ATXN7L1: variants seen among roughly 807,000 people sequenced by gnomAD.
ATXN7L1 encodes the protein ataxin-7-like protein 1.
ATXN7L1 carries 15 observed loss-of-function variants against 70.8 expected under a neutral mutation model. The ratio of observed to expected loss-of-function variants is 0.21; its 90% CI spans 0.14 to 0.33. ATXN7L1 has a LOEUF of 0.33. Among genes scored for constraint, ATXN7L1 ranks in the 10% least tolerant of loss-of-function variants. The probability of loss-of-function intolerance (pLI) is 1.00; values close to 1 mark genes in which losing one functional copy is unlikely to be tolerated. For synonymous variants in ATXN7L1, 440 were observed against 445.1 expected (o/e 0.99, Z 0.14); for missense variants, 975 against 1,097.1 (o/e 0.89, Z 1.57).
chr7:105,689,632 G>A (rs555178385), intron 3 of ATXN7L1, among the ~76,000 whole-genome samples: 51 of 152,232 alleles, frequency 3.4e-4, no homozygotes, highest in African/African-American at 1.2e-3. Flanking sequence ...AAGTCCTCCC[G>A]GTCCCAACCA....
chr7:105,733,896 CCATCCAT>C (rs1163232716), intron 3 of ATXN7L1, among the ~76,000 whole-genome samples: 1 of 125,078 alleles, frequency 8.0e-6, no homozygotes, highest in Non-Finnish European at 1.7e-5. Context: ...CATCATCCAT[CCATCCAT>C]CATCCATCAT....
chr7:105,612,853 C>A (rs1427039900), intron 10 of ATXN7L1, among the ~76,000 whole-genome samples: 3 of 152,342 alleles, frequency 2.0e-5, no homozygotes, highest in African/African-American at 7.2e-5. Flanking sequence ...CTTTTAACAA[C>A]TGCCTCCCAT....
intron 3 of ATXN7L1, among the ~76,000 whole-genome samples, chr7:105,720,724 C>A (rs1370483848): frequency 1.3e-5 from 2 of 152,150 alleles, no homozygotes; most frequent in African/African-American, 4.8e-5. Flanking sequence ...CCAGCCTCAG[C>A]CTCCCAAAAT....
intron 2 of ATXN7L1, among the ~76,000 whole-genome samples, chr7:105,803,426 G>A (rs926017017): frequency 4.6e-5 from 7 of 152,220 alleles, no homozygotes; most frequent in South Asian, 2.1e-4. Flanking sequence ...GTGGAGGGAC[G>A]GCTCCAGCCC....
chr7:105,691,317 A>G (rs1790786671), intron 3 of ATXN7L1, among the ~76,000 whole-genome samples: 1 of 152,228 alleles, frequency 6.6e-6, no homozygotes, highest in South Asian at 2.1e-4. Context: ...AACACGTCCT[A>G]GGACTCTCGG....
At chr7:105,875,264 G>A (rs560777891) in intron 2 of ATXN7L1, 1 of 154,648 alleles carries the variant, frequency 6.5e-6, no homozygotes, top group African/African-American at 2.4e-5. Context: ...GACTGCTGAG[G>A]GGCTGCACAT....
intron 2 of ATXN7L1, among the ~76,000 whole-genome samples, chr7:105,840,511 A>C (rs896286232): frequency 1.3e-5 from 2 of 152,104 alleles, no homozygotes; most frequent in African/African-American, 2.4e-5. Context: ...CTTCTGCCAC[A>C]TTTTCTGAAC....
rs1792694336 is a variant in ATXN7L1 at position 105,605,042 on chromosome 7, C to CGTTTTT, written c.*2809_*2810insAAAAAC. The CGTTTTT allele has an allele frequency of 5.6e-5, 4 of 71,560 alleles. No homozygotes were observed. The highest frequency in any genetic ancestry group is 6.7e-4 in the South Asian group (1 of 1,498). The allele number at this position is 71,560 out of a possible 1,614,324, so 4.4% of individuals were successfully genotyped here. On this transcript the variant is annotated 3_prime_UTR_variant, in exon 12 of 12. Coordinates refer to ENST00000419735, the MANE Select transcript of ATXN7L1 (RefSeq NM_020725.2). ...GAAGGCATACAAGTTATCCAAGTCG[C>CGTTTTT]TTTTTTTTTTTTTTTTTTTTTTTTA...
chr7:105,766,252 G>A (rs1194239195), intron 3 of ATXN7L1, among the ~76,000 whole-genome samples: 1 of 151,500 alleles, frequency 6.6e-6, no homozygotes, highest in East Asian at 1.9e-4. Flanking sequence ...CAAAGTCCAC[G>A]TGGGCTGCGT....
At position 105,813,335 on chromosome 7, in the gene ATXN7L1, A is replaced by ATTT. The variant is rs3036751; in HGVS notation, c.251-24630_251-24628dup. Among the ~76,000 whole-genome samples, 677 of 128,872 alleles carry ATTT rather than the reference A, an allele frequency of 5.3e-3. 19 individuals carry two copies. Among genetic ancestry groups the ATTT allele is most frequent in the African/African-American group, 0.018 (596 of 33,764 alleles). 84.5% of individuals were successfully genotyped at this position (128,872 alleles called of 152,430 possible). On this transcript the variant is annotated intron_variant, in intron 2 of 11. Transcript: ENST00000419735. The stretch of plus-strand genomic sequence containing the variant: ...TCTTTTCTAGTATTCACAATCTACA[A>ATTT]TTTTTTTTTTTTTTTTTTTGAGACG...
intron 2 of ATXN7L1, among the ~76,000 whole-genome samples, chr7:105,871,033 A>T (rs1818182291): frequency 6.6e-6 from 1 of 151,746 alleles, no homozygotes; most frequent in Non-Finnish European, 1.5e-5. Flanking sequence ...TGAGAAAATA[A>T]ACCCAGTTAT....
chr7:105,875,192 C>T (rs1818898338), intron 2 of ATXN7L1: 1 of 152,974 alleles, frequency 6.5e-6, no homozygotes, highest in Non-Finnish European at 1.5e-5. Flanking sequence ...CTGGGATGAC[C>T]TATCTACTCA....
intron 3 of ATXN7L1, among the ~76,000 whole-genome samples, chr7:105,785,371 C>A (rs1378481529): frequency 2.6e-5 from 4 of 152,128 alleles, no homozygotes; most frequent in African/African-American, 9.7e-5. Context: ...GAGGCTGAGG[C>A]CGGAGAATTT....
At chr7:105,774,130 C>G (rs1802400400) in intron 3 of ATXN7L1, among the ~76,000 whole-genome samples, 1 of 152,148 alleles carries the variant, frequency 6.6e-6, no homozygotes, top group Non-Finnish European at 1.5e-5. Flanking sequence ...TTCCTCACCA[C>G]CAAACCCTAG....
At chr7:105,803,456 G>T (rs575344816) in intron 2 of ATXN7L1, among the ~76,000 whole-genome samples, 6 of 152,340 alleles carry the variant, frequency 3.9e-5, no homozygotes, top group Admixed American at 1.3e-4. Context: ...TGAGAAGGTG[G>T]CAGGACTTGA....
chr7:105,749,288 G>C (rs1051662038), intron 3 of ATXN7L1, among the ~76,000 whole-genome samples: 10 of 151,918 alleles, frequency 6.6e-5, no homozygotes, highest in African/African-American at 2.2e-4. Flanking sequence ...GGAGAGTAAG[G>C]AAGGGTAAAA....
chr7:105,797,249 G>A (rs564497471), intron 2 of ATXN7L1, among the ~76,000 whole-genome samples: 6 of 152,214 alleles, frequency 3.9e-5, no homozygotes, highest in South Asian at 2.1e-4. Flanking sequence ...GCCCAGAGCC[G>A]GGCCTGGTAG....
chr7:105,755,519 A>G (rs1288274503), intron 3 of ATXN7L1, among the ~76,000 whole-genome samples: 10 of 152,146 alleles, frequency 6.6e-5, no homozygotes, highest in Admixed American at 6.5e-4. Context: ...TACATTATTC[A>G]CTGTATAAAT....
chr7:105,758,715 C>G (rs1800122314), intron 3 of ATXN7L1, among the ~76,000 whole-genome samples: 1 of 152,258 alleles, frequency 6.6e-6, no homozygotes, highest in African/African-American at 2.4e-5. Context: ...CTCTGTACCT[C>G]CCTACACTGC....
Sources: gnomAD v4.1 joint callset for allele counts (sites outside exome capture counted in the v4.1 genomes callset) on GRCh38, gnomAD v4.1.1 for gene constraint, MANE v1.5 for transcripts, NCBI Gene and HGNC (gene_info 2026-07-23, HGNC 2026-07-21) for gene names.